ANKRD36C: variants seen among roughly 807,000 people sequenced by gnomAD.
ANKRD36C encodes the protein ankyrin repeat domain 36C, also known as ankyrin repeat domain-containing protein 36C.
ANKRD36C carries 61 observed loss-of-function variants against 276.4 expected under a neutral mutation model. That is an observed-to-expected ratio of 0.22 (90% CI 0.18 to 0.27). ANKRD36C has a LOEUF of 0.27. ANKRD36C is among the 10% of genes least tolerant of loss of function. The pLI is 1.00. For missense variants in ANKRD36C, 1,447 were observed against 2,032.3 expected (o/e 0.71, Z 5.54); for synonymous variants, 483 against 680.1 (o/e 0.71, Z 4.51).
chr2:95,968,364 T>G (rs1295592672), intron 6 of ANKRD36C, among the ~76,000 whole-genome samples: 1 of 152,192 alleles, frequency 6.6e-6, no homozygotes, highest in African/African-American at 2.4e-5. Flanking sequence ...TATATGTGAA[T>G]TGCAGTATAA....
chr2:95,886,758 C>A (rs556331307), intron 50 of ANKRD36C, among the ~76,000 whole-genome samples: 2 of 151,812 alleles, frequency 1.3e-5, no homozygotes, highest in South Asian at 2.1e-4. Flanking sequence ...GTGGAAGGGA[C>A]CTAAATCGAT....
At chr2:95,958,178 G>A (rs1050313065) in intron 12 of ANKRD36C, among the ~76,000 whole-genome samples, 23 of 140,832 alleles carry the variant, frequency 1.6e-4, no homozygotes, top group African/African-American at 4.8e-4. Context: ...ATTACTTCTC[G>A]TTCTATAGTT....
chr2:95,867,529 G>A (rs1348939606), exon 60 of ANKRD36C: 8 of 1,456,062 alleles, frequency 5.5e-6, no homozygotes, highest in African/African-American at 1.4e-5. Context: ...GACTGTTTGA[G>A]ATGACTGAAT....
intron 44 of ANKRD36C, 75 bp from the exon 65 acceptor site, chr2:95,891,935 G>C: frequency 6.5e-7 from 1 of 1,543,244 alleles, no homozygotes; most frequent in Non-Finnish European, 8.8e-7. Context: ...TGCAGTGTTA[G>C]CATCAACCTC....
chr2:95,957,044 G>A (rs1348369045), intron 12 of ANKRD36C, among the ~76,000 whole-genome samples: 3 of 151,844 alleles, frequency 2.0e-5, no homozygotes, highest in Admixed American at 6.6e-5. Flanking sequence ...GGCAGGGCTC[G>A]GTGGGTCACG....
chr2:95,937,405 G>C (rs894638589), intron 22 of ANKRD36C, among the ~76,000 whole-genome samples: 1 of 152,308 alleles, frequency 6.6e-6, no homozygotes, highest in Non-Finnish European at 1.5e-5. Context: ...AAAGAGATCA[G>C]AGTGCCATGG....
intron 1 of ANKRD36C, among the ~76,000 whole-genome samples, chr2:95,989,571 C>A (rs983630144): frequency 2.6e-5 from 4 of 151,740 alleles, no homozygotes; most frequent in Admixed American, 6.6e-5. Flanking sequence ...TTTATAAAAT[C>A]CATTATAAGG....
At chr2:95,989,343 T>C (rs1384420190) in intron 1 of ANKRD36C, among the ~76,000 whole-genome samples, 3 of 152,232 alleles carry the variant, frequency 2.0e-5, no homozygotes, top group Non-Finnish European at 4.4e-5. Context: ...AGAAAAAATA[T>C]CACAATACCC....
At position 95,882,392 on chromosome 2, in the gene ANKRD36C, C is replaced by A. The variant is rs1676104419; in HGVS notation, c.3295-18G>T. On this transcript the variant is annotated intron_variant, in intron 55 of 66. Transcript: ENST00000456556. ...AATATAACCTGAATGGAAAGAGAAA[C>A]AAAATAGTCAATACATAATATATAT... 1 of 1,547,972 alleles carries A rather than the reference C, an allele frequency of 6.5e-7. No homozygotes were observed. The highest frequency in any genetic ancestry group is 2.0e-5 in the Admixed American group (1 of 50,868).
At chr2:95,948,251 G>A (rs1431616869) in intron 17 of ANKRD36C, among the ~76,000 whole-genome samples, 2 of 151,920 alleles carry the variant, frequency 1.3e-5, no homozygotes, top group Non-Finnish European at 2.9e-5. Context: ...TCTGTTGTGG[G>A]AAAGCGTTCC....
At chr2:95,875,664 A>G (rs1266354492) in intron 59 of ANKRD36C, among the ~76,000 whole-genome samples, 1 of 152,190 alleles carries the variant, frequency 6.6e-6, no homozygotes, top group Non-Finnish European at 1.5e-5. Context: ...CATGTTCCCT[A>G]AAACTTAAAG....
intron 44 of ANKRD36C, among the ~76,000 whole-genome samples, chr2:95,892,131 G>A (rs1238483117): frequency 2.6e-5 from 4 of 151,480 alleles, no homozygotes; most frequent in African/African-American, 4.8e-5. Context: ...TATCAACGTG[G>A]ATATGTCGAG....
chr2:95,929,351 C>T (rs917397635), intron 24 of ANKRD36C, 84 bp from the exon 25 acceptor site: 19 of 1,498,132 alleles, frequency 1.3e-5, no homozygotes, highest in Non-Finnish European at 1.7e-5. Flanking sequence ...AGCATGTTAG[C>T]ATCAAGTTTT....
At chr2:95,925,944 T>TTATA (rs777645049) in intron 28 of ANKRD36C, among the ~76,000 whole-genome samples, 10 of 151,600 alleles carry the variant, frequency 6.6e-5, no homozygotes, top group Non-Finnish European at 1.5e-4. Context: ...TCAGAGGGAT[T>TTATA]TATACCATTA....
intron 14 of ANKRD36C, 89 bp from the exon 15 acceptor site, chr2:95,951,497 A>G (rs1375435061): frequency 4.1e-6 from 4 of 981,400 alleles, no homozygotes; most frequent in Middle Eastern, 2.1e-4. Context: ...TCTAACAGGA[A>G]AAGTATGGAC....
In ANKRD36C at chr2:95,919,794, G is replaced by A. The variant is rs1373006856; in HGVS notation, c.2246-1752C>T. The A allele has an allele frequency of 1.7e-5, 24 of 1,402,516 alleles. 4 individuals are homozygous for A. Among genetic ancestry groups the A allele is most frequent in the African/African-American group, 4.4e-5 (3 of 68,238 alleles). The allele number at this position is 1,402,516 out of a possible 1,614,324, so 86.9% of individuals were successfully genotyped here. ...CTATATTCAAAACAGAATCTTCCTC[G>A]TCAGTTGTAGCCTGAATGGAATTTG... On this transcript the variant is annotated intron_variant, in intron 34 of 66. Transcript: ENST00000456556.
At chr2:95,928,506 CA>C (rs896167559) in intron 26 of ANKRD36C, among the ~76,000 whole-genome samples, 3 of 151,546 alleles carry the variant, frequency 2.0e-5, no homozygotes, top group Non-Finnish European at 4.4e-5. Context: ...TTCTTTTATG[CA>C]AATATTCTAA....
At chr2:95,971,007 A>G (rs1440334313) in intron 6 of ANKRD36C, among the ~76,000 whole-genome samples, 2 of 152,118 alleles carry the variant, frequency 1.3e-5, no homozygotes, top group Admixed American at 6.6e-5. Flanking sequence ...TAAATCCTAC[A>G]TTAATAAACT....
chr2:95,906,496 A>T, intron 42 of ANKRD36C, 135 bp downstream of exon 50: 1 of 318,226 alleles, frequency 3.1e-6, no homozygotes, highest in Non-Finnish European at 5.7e-6. Flanking sequence ...TAACCCAAGA[A>T]CTTATTAGAA....
Sources: allele counts gnomAD v4.1 joint callset (sites outside exome capture counted in the v4.1 genomes callset), GRCh38; gene constraint gnomAD v4.1.1; transcripts MANE v1.5; gene names NCBI Gene and HGNC (gene_info 2026-07-23, HGNC 2026-07-21).